The following NEB variants were observed in gnomAD, a reference collection of about 807,000 sequenced individuals.
The protein encoded by NEB is nebulin, also known as nemaline myopathy type 2.
In NEB, 512 loss-of-function variants were observed where a neutral mutation model predicts 952.2. The observed-to-expected ratio is 0.54, with a 90% confidence interval of 0.50 to 0.58. The LOEUF (loss-of-function observed/expected upper bound fraction) is 0.58. NEB is among the 20% of genes least tolerant of loss of function. The probability of loss-of-function intolerance (pLI) is 0.00; values close to 1 mark genes in which losing one functional copy is unlikely to be tolerated. For missense variants in NEB, 8,428 were observed against 9,231.1 expected (o/e 0.91, Z 3.56); for synonymous variants, 2,900 against 3,149.8 (o/e 0.92, Z 2.66).
At chr2:151,721,501 G>A (rs908779932) in intron 9 of NEB, among the ~76,000 whole-genome samples, 3 of 151,972 alleles carry the variant, frequency 2.0e-5, no homozygotes, top group African/African-American at 7.3e-5. Context: ...CCATGCCCTT[G>A]GGACCACCAC....
At chr2:151,562,476 A>G (rs1488820493) in intron 120 of NEB, 135 bp downstream of exon 120, 2 of 915,190 alleles carry the variant, frequency 2.2e-6, no homozygotes, top group African/African-American at 1.7e-5. Flanking sequence ...AAAGTGGCTC[A>G]TGCCACTTTG....
chr2:151,644,703 A>G, intron 55 of NEB, 128 bp from the exon 56 acceptor site: 2 of 751,174 alleles, frequency 2.7e-6, no homozygotes, highest in Non-Finnish European at 4.5e-6. Context: ...CTCAAATGTA[A>G]TTAGAAATTA....
intron 145 of NEB, 148 bp from the exon 146 acceptor site, chr2:151,529,462 C>G: frequency 1.6e-6 from 1 of 627,880 alleles, no homozygotes; most frequent in South Asian, 1.9e-5. Flanking sequence ...AGCAAGGATA[C>G]AGCCATGCAG....
intron 158 of NEB, 34 bp from the exon 159 acceptor site, chr2:151,514,462 A>G (rs987258411): frequency 1.4e-6 from 2 of 1,458,986 alleles, no homozygotes; most frequent in Admixed American, 3.3e-5. Context: ...AACATTGACA[A>G]GAAAGCCCAG....
intron 18 of NEB, among the ~76,000 whole-genome samples, chr2:151,695,134 T>C (rs1210789890): frequency 6.6e-6 from 1 of 152,198 alleles, no homozygotes; most frequent in Non-Finnish European, 1.5e-5. Context: ...TAGAAATGGG[T>C]ATCTGGACTT....
rs1367960856 is a variant in NEB at position 151,612,337 on chromosome 2, A to G, written c.11654T>C (p.Ile3885Thr). The G allele has an allele frequency of 9.3e-6, 15 of 1,613,746 alleles. No homozygotes were observed. Among genetic ancestry groups the G allele is most frequent in the African/African-American group, 1.3e-5 (1 of 74,930 alleles). ...CACTTTCTCGACCTCTACAGAGCCAATGGGAACCCATCCTATGCCTCTCAG... is the reference window on the plus strand; with the variant it reads ...CACTTTCTCGACCTCTACAGAGCCAGTGGGAACCCATCCTATGCCTCTCAG... ...EWLRGIGWVP[I>T]GSVEVEKVKR... The change falls in exon 78 of 182, where the codon ATT (isoleucine) becomes ACT (threonine). Residue 3885 changes from isoleucine (I) to threonine (T), a missense_variant. Coordinates refer to ENST00000397345, the MANE Select transcript of NEB (RefSeq NM_001164508.2).
At chr2:151,644,603 A>G in intron 55 of NEB, 28 bp from the exon 56 acceptor site, 1 of 1,555,494 alleles carries the variant, frequency 6.4e-7, no homozygotes, top group Non-Finnish European at 8.9e-7. Flanking sequence ...TCATTTTGGG[A>G]AATACTGTTC....
intron 9 of NEB, among the ~76,000 whole-genome samples, chr2:151,721,888 T>A (rs2099775036): frequency 6.6e-6 from 1 of 152,256 alleles, no homozygotes; most frequent in South Asian, 2.1e-4. Context: ...ACACCTTCTC[T>A]ATTTCCTAAC....
chr2:151,518,856 A>T (rs886771594), intron 155 of NEB, 109 bp downstream of exon 155: 2 of 696,976 alleles, frequency 2.9e-6, no homozygotes, highest in African/African-American at 1.8e-5. Context: ...ACAGTTTTGT[A>T]ATAAATCTAG....
intron 113 of NEB, 80 bp downstream of exon 113, chr2:151,567,991 A>C: frequency 9.3e-7 from 1 of 1,071,600 alleles, no homozygotes; most frequent in South Asian, 1.4e-5. Context: ...GGAAGGTGCT[A>C]TCTCTGCCTT....
intron 28 of NEB, 122 bp from the exon 29 acceptor site, chr2:151,682,891 T>A: frequency 1.3e-6 from 1 of 775,440 alleles, no homozygotes; most frequent in Non-Finnish European, 2.0e-6. Context: ...CTCCAGACAT[T>A]AAGGTTATTT....
rs61014963 is a variant in NEB at position 151,562,067 on chromosome 2, T to C, written c.18996+43A>G. The C allele has an allele frequency of 8.5e-4, 1,272 of 1,498,970 alleles. 8 individuals are homozygous for C. The African/African-American group carries it at 0.015, about 18-fold the overall frequency. The allele number at this position is 1,498,970 out of a possible 1,614,324, so 92.9% of individuals were successfully genotyped here. A position where few individuals can be genotyped will look rare whatever the true frequency, so the allele number is the denominator to read the frequency against. ...AGCCCACTGACACCACCATGGATTCTGATGACCCATGGAGAACCAGTCCTT... is the reference window on the plus strand; with the variant it reads ...AGCCCACTGACACCACCATGGATTCCGATGACCCATGGAGAACCAGTCCTT... On this transcript the variant is annotated intron_variant, in intron 121 of 181. Transcript: ENST00000397345.
chr2:151,620,347 G>GTGTATATA (rs1441051822), intron 72 of NEB, among the ~76,000 whole-genome samples: 8 of 48,464 alleles, frequency 1.7e-4, no homozygotes, highest in South Asian at 1.8e-3. Context: ...GTATGTGTGT[G>GTGTATATA]TATATATATA....
In NEB at chr2:151,620,971, C is replaced by A; in HGVS notation, c.10508G>T (p.Ser3503Ile). The A allele has an allele frequency of 6.2e-7, 1 of 1,613,136 alleles. No homozygotes were observed. Among genetic ancestry groups the A allele is most frequent in the Non-Finnish European group, 8.5e-7 (1 of 1,179,568 alleles). ...EAKKEGYDLR[S>I]DAIPIVAAKA... ...GGCAGCCACAATGGGAATGGCATCA[C>A]TTCTCAAGTCATAGCCTTCTTTCTT... The change falls in exon 72 of 182, where the codon AGT becomes ATT. Residue 3503 changes from serine to isoleucine, a missense_variant. Transcript: ENST00000397345.
At chr2:151,581,610 G>C (rs868069343) in intron 102 of NEB, 23 bp from the exon 103 acceptor site, 17 of 832,558 alleles carry the variant, frequency 2.0e-5, no homozygotes, top group Middle Eastern at 6.7e-4. Context: ...AAAAACGATG[G>C]AATGGTCAAT....
chr2:151,617,266 G>C lies in NEB; in HGVS notation c.11181+98C>G, dbSNP rs910427191. The C allele has an allele frequency of 4.2e-6, 3 of 715,628 alleles. No homozygotes were observed. In the African/African-American group the frequency reaches 5.4e-5, roughly 13 times the overall value. 44.3% of individuals were successfully genotyped at this position (715,628 alleles called of 1,614,324 possible). ...CTTCTACTGAAAATGGTAGTTTGTA[G>C]TATGTGTAGTAAATTAGTCAAAACC... is the stretch of plus-strand genomic sequence containing the variant. On this transcript the variant is annotated intron_variant, in intron 75 of 181. Transcript: ENST00000397345.
At position 151,546,455 on chromosome 2, in the gene NEB, A is replaced by T; in HGVS notation, c.20368-12T>A. The T allele has an allele frequency of 1.3e-6, 2 of 1,559,912 alleles. No homozygotes were observed. The highest frequency in any genetic ancestry group is 1.8e-6 in the Non-Finnish European group (2 of 1,130,762). ...TCTTTGTATTTAATCTGAGAGGCAA[A>T]CACAGAAATATAGCTGGTCATAAGC... On this transcript the variant is annotated splice_polypyrimidine_tract_variant and intron_variant, in intron 133 of 181. Coordinates refer to ENST00000397345, the MANE Select transcript of NEB (RefSeq NM_001164508.2).
intron 138 of NEB, among the ~76,000 whole-genome samples, chr2:151,539,214 A>G (rs1368694679): frequency 2.0e-5 from 3 of 152,194 alleles, no homozygotes; most frequent in Non-Finnish European, 4.4e-5. Flanking sequence ...AGCTTGGTTC[A>G]AATAAATATT....
intron 127 of NEB, 144 bp downstream of exon 127, chr2:151,553,254 T>C: frequency 1.5e-6 from 1 of 672,770 alleles, no homozygotes; most frequent in Non-Finnish European, 2.6e-6. Context: ...TGAGAGATGG[T>C]TGCTCTGCTC....
Sources: allele counts gnomAD v4.1 joint callset (sites outside exome capture counted in the v4.1 genomes callset), GRCh38; gene constraint gnomAD v4.1.1; transcripts MANE v1.5; gene names NCBI Gene and HGNC (gene_info 2026-07-23, HGNC 2026-07-21).